The following EFCAB5 variants were observed in gnomAD, a reference collection of about 807,000 sequenced individuals.
EFCAB5 encodes EF-hand calcium-binding domain-containing protein 5.
Under a neutral mutation model 167.9 loss-of-function variants are expected in EFCAB5, and 131 were observed. The ratio of observed to expected loss-of-function variants is 0.78; its 90% CI spans 0.68 to 0.90. The LOEUF is 0.90. Among genes scored for constraint, EFCAB5 ranks in the 40% least tolerant of loss-of-function variants. The pLI, the probability that EFCAB5 is intolerant of heterozygous loss-of-function variation, is 0.00. For synonymous variants in EFCAB5, 574 were observed against 602.8 expected (o/e 0.95, Z 0.70); for missense variants, 1,663 against 1,745.2 (o/e 0.95, Z 0.84).
intron 14 of EFCAB5, chr17:30,068,712 T>G: frequency 6.5e-7 from 1 of 1,544,756 alleles, no homozygotes; most frequent in Non-Finnish European, 8.9e-7. Flanking sequence ...TGGCAGTGGG[T>G]GGCAGAGTCG....
rs2070156086 is a variant in EFCAB5 at position 30,053,381 on chromosome 17, A to G, written c.1427A>G (p.His476Arg). 6.2e-7 allele frequency: 1 copy of G among 1,613,888 alleles called. No homozygotes were observed. Among genetic ancestry groups the G allele is most frequent in the Non-Finnish European group, 8.5e-7 (1 of 1,179,890 alleles). ...ATGAATACATTACTTTCTGCAAATC[A>G]TGCTAGCAAAACCCAAAGTAAATTA... Reference protein sequence around the residue: ...LEMNTLLSANHASKTQSKLLE... With the variant: ...LEMNTLLSANRASKTQSKLLE... The change falls in exon 10 of 23, where the codon CAT becomes CGT. Residue 476 changes from histidine (H) to arginine (R), a missense_variant. By Grantham distance (29) the His-to-Arg change is conservative. Transcript: ENST00000394835.
At chr17:30,085,150 G>A (rs928463566) in intron 18 of EFCAB5, among the ~76,000 whole-genome samples, 2 of 152,042 alleles carry the variant, frequency 1.3e-5, no homozygotes, top group South Asian at 2.1e-4. Context: ...TGACTGATAC[G>A]AATTATAAAG....
At position 30,045,458 on chromosome 17, in the gene EFCAB5, C is replaced by CAA. The variant is rs11291669; in HGVS notation, c.1201-5642_1201-5641dup. ...GGGCGACAGAGCTAGGCTCTGTCTC[C>CAA]AAAAAAAAAAAAAAAAAAAGAGACA... is the stretch of plus-strand genomic sequence containing the variant. On this transcript the variant is annotated intron_variant, in intron 8 of 22. Transcript: ENST00000394835. Among the ~76,000 whole-genome samples the CAA allele has an allele frequency of 1.9e-4, 15 of 80,316 alleles. No individual in the cohort carries two copies. The East Asian group carries it at 3.8e-3, about 20-fold the overall frequency. The allele number at this position is 80,316 out of a possible 152,430, so 52.7% of individuals were successfully genotyped here.
chr17:29,966,306 C>T (rs2067825143), intron 3 of EFCAB5, among the ~76,000 whole-genome samples: 1 of 152,080 alleles, frequency 6.6e-6, no homozygotes, highest in African/African-American at 2.4e-5. Flanking sequence ...TTGGCTTACA[C>T]CTTCTGACAC....
intron 14 of EFCAB5, chr17:30,069,263 C>T (rs1230214839): frequency 3.3e-6 from 5 of 1,512,770 alleles, no homozygotes; most frequent in African/African-American, 1.4e-5. Flanking sequence ...TGAAAGACAA[C>T]CTGAATTGGG....
At chr17:30,049,818 A>G (rs1214658865) in intron 8 of EFCAB5, among the ~76,000 whole-genome samples, 2 of 152,238 alleles carry the variant, frequency 1.3e-5, no homozygotes, top group African/African-American at 4.8e-5. Context: ...TATAACTAAT[A>G]AAGTTGAAAT....
intron 14 of EFCAB5, among the ~76,000 whole-genome samples, chr17:30,066,027 A>G (rs2070560115): frequency 6.6e-6 from 1 of 152,244 alleles, no homozygotes; most frequent in African/African-American, 2.4e-5. Flanking sequence ...CCTTACTCTC[A>G]GCATGGGACA....
chr17:30,096,482 A>G (rs1280430298), intron 22 of EFCAB5, among the ~76,000 whole-genome samples: 4 of 151,860 alleles, frequency 2.6e-5, no homozygotes, highest in Non-Finnish European at 5.9e-5. Context: ...GTTCAAGACT[A>G]TGGTGCACAA....
intron 1 of EFCAB5, among the ~76,000 whole-genome samples, chr17:29,931,316 C>A (rs1415934781): frequency 6.6e-6 from 1 of 152,158 alleles, no homozygotes; most frequent in Non-Finnish European, 1.5e-5. Flanking sequence ...GATCTCATTG[C>A]TTCTTTTAAA....
At chr17:30,107,620 ACT>A (rs1300880108) in intron 22 of EFCAB5, among the ~76,000 whole-genome samples, 1 of 152,122 alleles carries the variant, frequency 6.6e-6, no homozygotes, top group Non-Finnish European at 1.5e-5. Flanking sequence ...AATACAAATA[ACT>A]CTAATTCTTT....
intron 1 of EFCAB5, among the ~76,000 whole-genome samples, chr17:29,931,203 G>A (rs535570276): frequency 6.6e-6 from 1 of 152,256 alleles, no homozygotes; most frequent in South Asian, 2.1e-4. Flanking sequence ...TGGATGAGCT[G>A]GTAAATACCA....
intron 19 of EFCAB5, among the ~76,000 whole-genome samples, chr17:30,089,491 G>A (rs1341157612): frequency 6.6e-6 from 1 of 152,076 alleles, no homozygotes; most frequent in Non-Finnish European, 1.5e-5. Context: ...TGTAGATGGG[G>A]AAAGGGAAAA....
At chr17:30,064,548 A>G (rs2070510455) in intron 14 of EFCAB5, among the ~76,000 whole-genome samples, 1 of 152,210 alleles carries the variant, frequency 6.6e-6, no homozygotes, top group Non-Finnish European at 1.5e-5. Context: ...AAATATTTGT[A>G]TTATGGGACT....
intron 3 of EFCAB5, among the ~76,000 whole-genome samples, chr17:29,946,425 A>ATTT (rs2067398446): frequency 1.6e-5 from 2 of 128,122 alleles, no homozygotes; most frequent in Admixed American, 8.5e-5. Flanking sequence ...GAGTATGGAA[A>ATTT]TTTCTTTTTT....
chr17:30,005,608 C>A (rs1053090174), intron 7 of EFCAB5, among the ~76,000 whole-genome samples: 5 of 152,110 alleles, frequency 3.3e-5, no homozygotes, highest in African/African-American at 1.2e-4. Context: ...ACTGAACAGA[C>A]CCCCTCTTAT....
At chr17:29,990,492 A>G (rs1049815447) in intron 4 of EFCAB5, among the ~76,000 whole-genome samples, 1 of 152,154 alleles carries the variant, frequency 6.6e-6, no homozygotes, top group Non-Finnish European at 1.5e-5. Flanking sequence ...GAATTTCCCC[A>G]TTGTAATCTG....
intron 3 of EFCAB5, chr17:29,968,429 A>G (rs2067878247): frequency 4.9e-6 from 2 of 406,080 alleles, no homozygotes; most frequent in Non-Finnish European, 9.5e-6. Context: ...ATAATAAAAC[A>G]GAGCCTCAAG....
At chr17:30,011,685 A>T (rs1406556823) in intron 7 of EFCAB5, among the ~76,000 whole-genome samples, 2 of 152,114 alleles carry the variant, frequency 1.3e-5, no homozygotes, top group African/African-American at 2.4e-5. Context: ...GAAGTTGGTT[A>T]TCAGCTTAAG....
chr17:30,092,820 CT>C lies in EFCAB5; in HGVS notation c.4225-19del. ...GCTTCCTGGTGATCCCATAAATTTTCTCTTGTTGTTTGTTCACAGTATGTTA... is the reference window on the plus strand; with the variant it reads ...GCTTCCTGGTGATCCCATAAATTTTCCTTGTTGTTTGTTCACAGTATGTTA... On this transcript the variant is annotated intron_variant, in intron 21 of 22. Coordinates refer to ENST00000394835, the MANE Select transcript of EFCAB5 (RefSeq NM_198529.4). 6.4e-7 allele frequency: 1 copy of C among 1,573,946 alleles called. No homozygotes were observed. Among genetic ancestry groups the C allele is most frequent in the Non-Finnish European group, 8.7e-7 (1 of 1,150,506 alleles).
Sources: allele counts gnomAD v4.1 joint callset (sites outside exome capture counted in the v4.1 genomes callset), GRCh38; gene constraint gnomAD v4.1.1; transcripts MANE v1.5; gene names NCBI Gene and HGNC (gene_info 2026-07-23, HGNC 2026-07-21).